FAM83H: variants seen among roughly 807,000 people sequenced by gnomAD.
FAM83H encodes the protein scaffolding CK1 anchoring protein H.
A neutral mutation model predicts 30.2 loss-of-function variants in FAM83H; 24 were observed. The observed-to-expected ratio is 0.79, with a 90% CI of 0.57 to 1.12. The LOEUF (loss-of-function observed/expected upper bound fraction) is 1.12. Ranked by LOEUF, FAM83H falls within the 50% of genes most tolerant of loss-of-function variation. The pLI is 0.00. For synonymous variants in FAM83H, 1,013 were observed against 821.7 expected (o/e 1.23, Z -3.98); for missense variants, 2,038 against 1,773.9 (o/e 1.15, Z -2.67).
chr8:143,729,762 C>T (rs1818445914), intron 2 of FAM83H, among the ~76,000 whole-genome samples: 1 of 152,244 alleles, frequency 6.6e-6, no homozygotes, highest in African/African-American at 2.4e-5. Flanking sequence ...GCCTCAGTCG[C>T]TATGGTTTAA....
In FAM83H at chr8:143,730,151, G is replaced by C; in HGVS notation, c.432C>G (p.Ile144Met). Residue 144 changes from isoleucine (I) to methionine (M), a missense_variant, in exon 2 of 5, where the codon ATC becomes ATG. Coordinates refer to ENST00000388913, the MANE Select transcript of FAM83H (RefSeq NM_198488.5). ...PSIKDEARRM[I>M]RSAQQVVAVV... Reference sequence around the variant, plus strand: ...GATGGCGCACCTGCTGGGCGGAACGGATCATCCTGCGGGCCTCATCCTTGA... The same window carrying C: ...GATGGCGCACCTGCTGGGCGGAACGCATCATCCTGCGGGCCTCATCCTTGA... 1.3e-6 allele frequency: 2 copies of C among 1,584,302 alleles called. No individual in the cohort carries two copies. The highest frequency in any genetic ancestry group is 1.7e-6 in the Non-Finnish European group (2 of 1,161,846).
At chr8:143,728,856 G>A (rs1818409876) in intron 4 of FAM83H, 111 bp downstream of exon 4, 3 of 1,598,972 alleles carry the variant, frequency 1.9e-6, no homozygotes, top group East Asian at 2.2e-5. Flanking sequence ...GGCTGTGCAG[G>A]GGTCTACAGG....
In FAM83H at chr8:143,725,820, C is replaced by G. The variant is rs1563756270; in HGVS notation, c.*101G>C. The G allele has an allele frequency of 4.5e-6, 7 of 1,546,252 alleles. No homozygotes were observed. Among genetic ancestry groups the G allele is most frequent in the Non-Finnish European group, 6.1e-6 (7 of 1,143,870 alleles). Reference sequence around the variant, plus strand: ...CCCCAAGCGGCCGTGGCCTGACAGCCGCTGCTCAAGCAGATGAGCAGGGCT... The same window carrying G: ...CCCCAAGCGGCCGTGGCCTGACAGCGGCTGCTCAAGCAGATGAGCAGGGCT... On this transcript the variant is annotated 3_prime_UTR_variant, in exon 5 of 5. Coordinates refer to ENST00000388913, the MANE Select transcript of FAM83H (RefSeq NM_198488.5).
intron 1 of FAM83H, chr8:143,732,429 G>C (rs1288392936): frequency 7.9e-5 from 78 of 985,274 alleles, no homozygotes; most frequent in Non-Finnish European, 9.3e-5. Context: ...TGTCTGTAGG[G>C]GCGGTGTCTG....
chr8:143,728,990 G>A lies in FAM83H; in HGVS notation c.714C>T (p.Ala238=). Reference sequence around the variant, plus strand: ...ACCTGTAGCTCCCACTCATCACCACGGCACAGTCCACCAGCAGGAACTTCT... The same window carrying A: ...ACCTGTAGCTCCCACTCATCACCACAGCACAGTCCACCAGCAGGAACTTCT... ...VKEKFLLVDC[A]VVMSGSYSFM... is the part of the protein sequence containing the mutation. The change falls in exon 4 of 5, where the codon GCC becomes GCT. Residue 238 remains alanine, a synonymous_variant. Transcript: ENST00000388913. The A allele has an allele frequency of 1.2e-6, 2 of 1,613,706 alleles. No individual in the cohort carries two copies. Among genetic ancestry groups the A allele is most frequent in the South Asian group, 2.2e-5 (2 of 91,082 alleles).
rs549881150 is a variant in FAM83H at position 143,725,156 on chromosome 8, C to CGGGGGGGGGGGGGGGGGGGGGGGAGG, written c.*764_*765insCCTCCCCCCCCCCCCCCCCCCCCCCC. The stretch of plus-strand genomic sequence containing the variant: ...AAGCCCAGGCGGGGGAGGGGGGAGA[C>CGGGGGGGGGGGGGGGGGGGGGGGAGG]GGGGGGGGGGGGGGGGGAGGGAAGG... On this transcript the variant is annotated 3_prime_UTR_variant, in exon 5 of 5. Transcript: ENST00000388913. 3 of 37,534 alleles carry CGGGGGGGGGGGGGGGGGGGGGGGAGG rather than the reference C, an allele frequency of 8.0e-5. No homozygotes were observed. The highest frequency in any genetic ancestry group is 1.7e-4 in the Non-Finnish European group (3 of 18,070). The allele number at this position is 37,534 out of a possible 1,614,324, so 2.3% of individuals were successfully genotyped here. A position where few individuals can be genotyped will look rare whatever the true frequency, so the allele number is the denominator to read the frequency against.
chr8:143,725,537 A>T lies in FAM83H; in HGVS notation c.*384T>A. ...CTGGAACCCGGGAGGCAGAGGTTGC[A>T]GTGAGCCCAGACCGCTCAACTGCAC... On this transcript the variant is annotated 3_prime_UTR_variant, in exon 5 of 5. Transcript: ENST00000388913. The T allele has an allele frequency of 3.6e-6, 1 of 280,698 alleles. No individual in the cohort carries two copies. Among genetic ancestry groups the T allele is most frequent in the Non-Finnish European group, 6.8e-6 (1 of 147,174 alleles). The allele number at this position is 280,698 out of a possible 1,614,324, so 17.4% of individuals were successfully genotyped here.
In FAM83H at chr8:143,727,157, C is replaced by T. The variant is rs782360513; in HGVS notation, c.2304G>A (p.Ala768=). 3.3e-6 allele frequency: 5 copies of T among 1,534,572 alleles called. No individual in the cohort carries two copies. Among genetic ancestry groups the T allele is most frequent in the African/African-American group, 1.4e-5 (1 of 73,110 alleles). ...CTGGGGCCGCCACCTCTTCCCGCCA[C>T]GCCTGGGACACGACGGCCTTGCTGT... is the stretch of plus-strand genomic sequence containing the variant. The part of the protein sequence containing the change: ...ASHSKAVVSQ[A]WREEVAAPGA... The change falls in exon 5 of 5, where the codon GCG becomes GCA. Residue 768 remains alanine, a synonymous_variant. Transcript: ENST00000388913.
Position 143,727,735 on chromosome 8 carries a change from C to G in FAM83H, c.1726G>C (p.Ala576Pro). The G allele has an allele frequency of 6.6e-7, 1 of 1,525,528 alleles. No individual in the cohort carries two copies. The highest frequency in any genetic ancestry group is 8.7e-7 in the Non-Finnish European group (1 of 1,144,504). 94.5% of individuals were successfully genotyped at this position (1,525,528 alleles called of 1,614,324 possible). Residue 576 changes from alanine (A) to proline (P), a missense_variant, in exon 5 of 5, where the codon GCA becomes CCA. Transcript: ENST00000388913. ...GCCAAACGCCAGCGCCGCAGCCCTG[C>G]CCGCCCCTCGGGCCCGCCCCTGCGC... ...PERRGGPEGRAGLRRWRLASY... is the reference protein window; with the variant it reads ...PERRGGPEGRPGLRRWRLASY...
chr8:143,728,144 G>A lies in FAM83H; in HGVS notation c.1317C>T (p.Asp439=), dbSNP rs1554623148. The part of the protein sequence containing the change: ...VSRQTFLSHG[D]DFRFQTSHFH... Reference sequence around the variant, plus strand: ...AGTGGCTGGTCTGGAAGCGGAAGTCGTCGCCGTGGCTGAGGAACGTCTGCC... The same window carrying A: ...AGTGGCTGGTCTGGAAGCGGAAGTCATCGCCGTGGCTGAGGAACGTCTGCC... The change falls in exon 5 of 5, where the codon GAC becomes GAT. Residue 439 remains aspartate, a synonymous_variant. Transcript: ENST00000388913. The A allele has an allele frequency of 1.2e-6, 2 of 1,609,280 alleles. No individual in the cohort carries two copies. The highest frequency in any genetic ancestry group is 3.3e-5 in the Admixed American group (2 of 59,942).
At position 143,726,635 on chromosome 8, in the gene FAM83H, G is replaced by A. The variant is rs544120916; in HGVS notation, c.2826C>T (p.Ser942=). 168 of 1,598,274 alleles carry A rather than the reference G, an allele frequency of 1.1e-4. No individual in the cohort carries two copies. Among genetic ancestry groups the A allele is most frequent in the South Asian group, 6.3e-4 (57 of 90,418 alleles). Residue 942 remains serine (S), a synonymous_variant, in exon 5 of 5, where the codon TCC becomes TCT. Coordinates refer to ENST00000388913, the MANE Select transcript of FAM83H (RefSeq NM_198488.5). ...CGGGCCCGGCCTTCGGGGACTCCCC[G>A]GAGATGGTAAGGGTGAGGCTGCCCC... ...ERRGSLTLTI[S]GESPKAGPAE... is the part of the protein sequence containing the mutation.
In FAM83H at chr8:143,727,193, G is replaced by C. The variant is rs782377580; in HGVS notation, c.2268C>G (p.Thr756=). The C allele has an allele frequency of 1.3e-6, 2 of 1,533,396 alleles. No homozygotes were observed. Among genetic ancestry groups the C allele is most frequent in the Non-Finnish European group, 1.7e-6 (2 of 1,145,414 alleles). The allele number at this position is 1,533,396 out of a possible 1,614,324, so 95.0% of individuals were successfully genotyped here. A position where few individuals can be genotyped will look rare whatever the true frequency, so the allele number is the denominator to read the frequency against. The part of the protein sequence containing the change: ...RDPGGGAGAI[T]VASHSKAVVS... Reference sequence around the variant, plus strand: ...CGACGGCCTTGCTGTGGCTGGCAACGGTGATGGCGCCCGCGCCGCCGCCGG... The same window carrying C: ...CGACGGCCTTGCTGTGGCTGGCAACCGTGATGGCGCCCGCGCCGCCGCCGG... The change falls in exon 5 of 5, where the codon ACC becomes ACG. Residue 756 remains threonine (T), a synonymous_variant. Coordinates refer to ENST00000388913, the MANE Select transcript of FAM83H (RefSeq NM_198488.5).
At position 143,727,751 on chromosome 8, in the gene FAM83H, G is replaced by A; in HGVS notation, c.1710C>T (p.Gly570=). The change falls in exon 5 of 5, where the codon GGC becomes GGT. Residue 570 remains glycine, a synonymous_variant. Transcript: ENST00000388913. ...PAPEAEPERR[G]GPEGRAGLRR... The stretch of plus-strand genomic sequence containing the variant: ...GCAGCCCTGCCCGCCCCTCGGGCCC[G>A]CCCCTGCGCTCCGGCTCCGCCTCGG... 4 of 1,496,136 alleles carry A rather than the reference G, an allele frequency of 2.7e-6. No homozygotes were observed. The highest frequency in any genetic ancestry group is 2.5e-5 in the South Asian group (2 of 80,478). The allele number at this position is 1,496,136 out of a possible 1,614,324, so 92.7% of individuals were successfully genotyped here. A position where few individuals can be genotyped will look rare whatever the true frequency, so the allele number is the denominator to read the frequency against.
chr8:143,731,341 C>T (rs1169808991), intron 1 of FAM83H: 4 of 985,236 alleles, frequency 4.1e-6, no homozygotes, highest in Non-Finnish European at 4.8e-6. Flanking sequence ...ACCTCTACTG[C>T]ACAACACAGC....
chr8:143,728,919 ACAG>A, intron 4 of FAM83H, 45 bp downstream of exon 4: 1 of 1,612,224 alleles, frequency 6.2e-7, no homozygotes, highest in Non-Finnish European at 8.5e-7. Flanking sequence ...TGCTGGGGTT[ACAG>A]GAGGAGGCCC....
chr8:143,730,142 G>A lies in FAM83H; in HGVS notation c.441C>T (p.Ala147=). The change falls in exon 2 of 5, where the codon GCC becomes GCT. Residue 147 remains alanine, a synonymous_variant. Transcript: ENST00000388913. Reference sequence around the variant, plus strand: ...CAAGCCCAAGATGGCGCACCTGCTGGGCGGAACGGATCATCCTGCGGGCCT... The same window carrying A: ...CAAGCCCAAGATGGCGCACCTGCTGAGCGGAACGGATCATCCTGCGGGCCT... The part of the protein sequence containing the change: ...KDEARRMIRS[A]QQVVAVVMDM... The A allele has an allele frequency of 6.4e-7, 1 of 1,570,168 alleles. No individual in the cohort carries two copies. Among genetic ancestry groups the A allele is most frequent in the South Asian group, 1.2e-5 (1 of 84,518 alleles).
At chr8:143,732,782 C>G in intron 1 of FAM83H, 4 of 973,212 alleles carry the variant, frequency 4.1e-6, no homozygotes, top group Non-Finnish European at 4.9e-6. Context: ...CATGCCCACA[C>G]ATTTGCCTAC....
rs558503828 is a variant in FAM83H, at chr8:143,726,724, C to T, written c.2737G>A (p.Gly913Ser). The T allele has an allele frequency of 1.9e-6, 3 of 1,609,280 alleles. No homozygotes were observed. The South Asian group carries it at 3.3e-5, about 18-fold the overall frequency. The part of the protein sequence containing the change: ...SPTSAYPERR[G>S]SPVPPVPERR... The stretch of plus-strand genomic sequence containing the variant: ...TCCGGCACGGGGGGCACCGGACTAC[C>T]CCTGCGCTCGGGGTAGGCTGAGGTG... Residue 913 changes from glycine (G) to serine (S), a missense_variant, in exon 5 of 5, where the codon GGT (glycine) becomes AGT (serine). Gly to Ser is a moderately conservative substitution (Grantham distance 56). Coordinates refer to ENST00000388913, the MANE Select transcript of FAM83H (RefSeq NM_198488.5).
At chr8:143,729,439 C>T in intron 2 of FAM83H, 116 bp from the exon 3 acceptor site, 1 of 1,149,636 alleles carries the variant, frequency 8.7e-7, no homozygotes, top group South Asian at 1.3e-5. Context: ...GTGAAACAAG[C>T]TAGTCCATCC....
Sources: allele counts gnomAD v4.1 joint callset (sites outside exome capture counted in the v4.1 genomes callset), GRCh38; gene constraint gnomAD v4.1.1; transcripts MANE v1.5; gene names NCBI Gene and HGNC (gene_info 2026-07-23, HGNC 2026-07-21).